CATSPERZ: variants seen among roughly 807,000 people sequenced by gnomAD.
CATSPERZ encodes the protein catsper channel auxiliary subunit zeta.
In CATSPERZ, 21 loss-of-function variants were observed where a neutral mutation model predicts 21.7. The observed-to-expected ratio is 0.97, with a 90% CI of 0.69 to 1.39. The LOEUF is 1.39. Among genes scored for constraint, CATSPERZ ranks in the 40% most tolerant of loss-of-function variants. CATSPERZ has a pLI of 0.00. For missense variants in CATSPERZ, 234 were observed against 259.5 expected, an observed-to-expected ratio of 0.90 and a Z score of 0.68; for synonymous variants, 127 against 108.7, an observed-to-expected ratio of 1.17 and a Z score of -1.05.
At chr11:64,303,392 T>C in intron 2 of CATSPERZ, 90 bp from the exon 3 acceptor site, 9 of 1,058,660 alleles carry the variant, frequency 8.5e-6, no homozygotes, top group Non-Finnish European at 1.3e-5. Flanking sequence ...CTGAAGGCCA[T>C]TCCCTCTCAC....
In CATSPERZ at chr11:64,303,827, A is replaced by G; in HGVS notation, c.487A>G (p.Lys163Glu). 6.3e-7 allele frequency: 1 copy of G among 1,597,562 alleles called. No homozygotes were observed. The highest frequency in any genetic ancestry group is 8.5e-7 in the Non-Finnish European group (1 of 1,172,322). ...MENEALEILT[K>E]ALRSYQLGIG... The stretch of plus-strand genomic sequence containing the variant: ...GAATGAAGCTCTGGAAATCCTCACC[A>G]AAGCCCTCCGGAGTAAGCTCCCCGC... The change falls in exon 4 of 5, where the codon AAA (lysine) becomes GAA (glutamate). Residue 163 changes from lysine to glutamate, a missense_variant. Lys to Glu is a moderately conservative substitution (Grantham distance 56, BLOSUM62 1). Coordinates refer to ENST00000328404, the MANE Select transcript of CATSPERZ (RefSeq NM_001039496.2).
chr11:64,302,347 C>A (rs989737638), intron 2 of CATSPERZ, among the ~76,000 whole-genome samples: 1 of 152,216 alleles, frequency 6.6e-6, no homozygotes. Context: ...GTGGTGCCAT[C>A]TCGGCTCACT....
At chr11:64,303,331 G>A (rs2034958079) in intron 2 of CATSPERZ, 151 bp from the exon 3 acceptor site, 3 of 638,430 alleles carry the variant, frequency 4.7e-6, no homozygotes, top group Admixed American at 2.9e-5. Context: ...AAAGCCCAGG[G>A]TTGTAACCTC....
intron 3 of CATSPERZ, 25 bp downstream of exon 3, chr11:64,303,586 C>A (rs764108734): frequency 1.3e-6 from 2 of 1,584,076 alleles, no homozygotes; most frequent in Non-Finnish European, 1.7e-6. Flanking sequence ...GGAGACTGGG[C>A]GTTTCGGTGG....
intron 2 of CATSPERZ, among the ~76,000 whole-genome samples, chr11:64,301,820 G>A (rs1275136673): frequency 6.6e-6 from 1 of 151,936 alleles, no homozygotes; most frequent in African/African-American, 2.4e-5. Context: ...AGGACAGGCC[G>A]GCACCATCCT....
At chr11:64,303,424 T>C in intron 2 of CATSPERZ, 58 bp from the exon 3 acceptor site, 1 of 1,408,966 alleles carries the variant, frequency 7.1e-7, no homozygotes, top group Non-Finnish European at 9.8e-7. Flanking sequence ...CCATCTCCTG[T>C]GCTCCAGGGA....
chr11:64,300,571 C>T, intron 1 of CATSPERZ, 86 bp from the exon 2 acceptor site: 2 of 1,521,542 alleles, frequency 1.3e-6, no homozygotes, highest in East Asian at 2.5e-5. Flanking sequence ...ATCCCCAACC[C>T]GGCCCGGCTC....
At chr11:64,303,592 G>A (rs746460192) in intron 3 of CATSPERZ, 31 bp downstream of exon 3, 19 of 1,601,386 alleles carry the variant, frequency 1.2e-5, no homozygotes, top group African/African-American at 4.0e-5. Flanking sequence ...TGGGCGTTTC[G>A]GTGGGGTAGG....
At chr11:64,301,672 C>A (rs1221309542) in intron 2 of CATSPERZ, among the ~76,000 whole-genome samples, 1 of 151,520 alleles carries the variant, frequency 6.6e-6, no homozygotes, top group African/African-American at 2.4e-5. Context: ...CTGCGCCCGG[C>A]CTTTGTTTTT....
intron 2 of CATSPERZ, among the ~76,000 whole-genome samples, chr11:64,301,974 C>T (rs187816217): frequency 6.6e-6 from 1 of 152,132 alleles, no homozygotes; most frequent in Non-Finnish European, 1.5e-5. Context: ...CCCGGCGAGA[C>T]CTGTGTTTTT....
chr11:64,300,794 C>A lies in CATSPERZ; in HGVS notation c.159C>A (p.Asp53Glu). 1 of 1,556,876 alleles carries A rather than the reference C, an allele frequency of 6.4e-7. No individual in the cohort carries two copies. Among genetic ancestry groups the A allele is most frequent in the Non-Finnish European group, 8.7e-7 (1 of 1,150,920 alleles). ...TGTCCGAGGTCTGCGAGGGCTTCGA[C>A]GAGGAGGGCCGCAACATTAGCAAGA... is the stretch of plus-strand genomic sequence containing the variant. The part of the protein sequence containing the change: ...MPLSEVCEGF[D>E]EEGRNISKTR... The change falls in exon 2 of 5, where the codon GAC (aspartate) becomes GAA (glutamate). Residue 53 changes from aspartate to glutamate, a missense_variant. By Grantham distance (45) the Asp-to-Glu change is conservative (BLOSUM62 2). Transcript: ENST00000328404.
At chr11:64,304,455 G>A (rs2034982494) in intron 4 of CATSPERZ, 88 bp from the exon 5 acceptor site, 2 of 963,082 alleles carry the variant, frequency 2.1e-6, no homozygotes, top group Admixed American at 2.5e-5. Context: ...AATCATCTGC[G>A]GTTCCTCGAA....
At position 64,300,766 on chromosome 11, in the gene CATSPERZ, C is replaced by T; in HGVS notation, c.131C>T (p.Pro44Leu). The part of the protein sequence containing the change: ...TTLSQAQLNM[P>L]LSEVCEGFDE... Reference sequence around the variant, plus strand: ...CTGTCCCAGGCACAGCTGAACATGCCGCTGTCCGAGGTCTGCGAGGGCTTC... The same window carrying T: ...CTGTCCCAGGCACAGCTGAACATGCTGCTGTCCGAGGTCTGCGAGGGCTTC... Residue 44 changes from proline to leucine, a missense_variant, in exon 2 of 5, where the codon CCG (proline) becomes CTG (leucine). Physicochemically the swap from Pro to Leu is moderately conservative, Grantham distance 98. Transcript: ENST00000328404. The T allele has an allele frequency of 1.3e-6, 2 of 1,553,446 alleles. No individual in the cohort carries two copies. The highest frequency in any genetic ancestry group is 1.7e-6 in the Non-Finnish European group (2 of 1,148,748).
chr11:64,304,741 T>C lies in CATSPERZ; in HGVS notation c.*95T>C. ...TGACCCCATCCGAGTGGAATTTGAG[T>C]CCTAAAGAAATAAAAGAGTCGATGC... is the stretch of plus-strand genomic sequence containing the variant. On this transcript the variant is annotated 3_prime_UTR_variant, in exon 5 of 5. Coordinates refer to ENST00000328404, the MANE Select transcript of CATSPERZ (RefSeq NM_001039496.2). 2 of 1,054,778 alleles carry C rather than the reference T, an allele frequency of 1.9e-6. No homozygotes were observed. The highest frequency in any genetic ancestry group is 2.8e-6 in the Non-Finnish European group (2 of 724,902). The allele number at this position is 1,054,778 out of a possible 1,614,324, so 65.3% of individuals were successfully genotyped here.
At chr11:64,304,492 G>T in intron 4 of CATSPERZ, 51 bp from the exon 5 acceptor site, 1 of 1,440,912 alleles carries the variant, frequency 6.9e-7, no homozygotes, top group Non-Finnish European at 9.4e-7. Context: ...CCCTGGTGGG[G>T]AGACCTTTCG....
In CATSPERZ at chr11:64,300,709, G is replaced by A; in HGVS notation, c.74G>A (p.Ser25Asn). Residue 25 changes from serine (S) to asparagine (N), a missense_variant, in exon 2 of 5, where the codon AGC becomes AAC. Physicochemically the swap from Ser to Asn is conservative, Grantham distance 46 (BLOSUM62 1). Transcript: ENST00000328404. ...GGCTCGGACGAGGAGAGCGTGCATA[G>A]CGACACTCGGGACCTGTGGACCACG... ...RQGSDEESVH[S>N]DTRDLWTTTT... The A allele has an allele frequency of 6.5e-7, 1 of 1,549,358 alleles. No individual in the cohort carries two copies. Among genetic ancestry groups the A allele is most frequent in the Non-Finnish European group, 8.7e-7 (1 of 1,145,884 alleles).
rs1441328946 is a variant in CATSPERZ at position 64,300,700 on chromosome 11, GCGTGCATAGCGA to G, written c.67_78del (p.Val23_Asp26del). The G allele has an allele frequency of 6.5e-7, 1 of 1,547,290 alleles. No homozygotes were observed. Among genetic ancestry groups the G allele is most frequent in the African/African-American group, 1.4e-5 (1 of 72,980 alleles). On this transcript the variant is annotated inframe_deletion, in exon 2 of 5. Coordinates refer to ENST00000328404, the MANE Select transcript of CATSPERZ (RefSeq NM_001039496.2). ...GACCGCCAAGGCTCGGACGAGGAGAGCGTGCATAGCGACACTCGGGACCTGTGGACCACGACC... is the reference window on the plus strand; with the variant it reads ...GACCGCCAAGGCTCGGACGAGGAGAGCACTCGGGACCTGTGGACCACGACC...
chr11:64,304,709 C>T lies in CATSPERZ; in HGVS notation c.*63C>T, dbSNP rs1255210525. 6.1e-6 allele frequency: 8 copies of T among 1,321,072 alleles called. No individual in the cohort carries two copies. In the East Asian group the frequency reaches 7.5e-5, roughly 12 times the overall value. 81.8% of individuals were successfully genotyped at this position (1,321,072 alleles called of 1,614,324 possible). A position where few individuals can be genotyped will look rare whatever the true frequency, so the allele number is the denominator to read the frequency against. Reference sequence around the variant, plus strand: ...CCCCGTGCCAGCCCGGTCCCCAGACCCAAGCCTGACCCCATCCGAGTGGAA... The same window carrying T: ...CCCCGTGCCAGCCCGGTCCCCAGACTCAAGCCTGACCCCATCCGAGTGGAA... On this transcript the variant is annotated 3_prime_UTR_variant, in exon 5 of 5. Coordinates refer to ENST00000328404, the MANE Select transcript of CATSPERZ (RefSeq NM_001039496.2).
At position 64,300,379 on chromosome 11, in the gene CATSPERZ, C is replaced by T. The variant is rs746352592; in HGVS notation, c.-32C>T. 26 of 1,426,476 alleles carry T rather than the reference C, an allele frequency of 1.8e-5. No homozygotes were observed. The highest frequency in any genetic ancestry group is 2.4e-5 in the Non-Finnish European group (26 of 1,061,952). The allele number at this position is 1,426,476 out of a possible 1,614,324, so 88.4% of individuals were successfully genotyped here. A position where few individuals can be genotyped will look rare whatever the true frequency, so the allele number is the denominator to read the frequency against. On this transcript the variant is annotated 5_prime_UTR_variant, in exon 1 of 5. Coordinates refer to ENST00000328404, the MANE Select transcript of CATSPERZ (RefSeq NM_001039496.2). Reference sequence around the variant, plus strand: ...CGTTGACTCCCTTCTCGTCTCGAGGCCTGTGGCGTCTGGGTCCGTTGGGGC... The same window carrying T: ...CGTTGACTCCCTTCTCGTCTCGAGGTCTGTGGCGTCTGGGTCCGTTGGGGC...
Sources: gnomAD v4.1 joint callset for allele counts (sites outside exome capture counted in the v4.1 genomes callset) on GRCh38, gnomAD v4.1.1 for gene constraint, MANE v1.5 for transcripts, NCBI Gene and HGNC (gene_info 2026-07-23, HGNC 2026-07-21) for gene names.